KCNK10: variants seen among roughly 807,000 people sequenced by gnomAD.
KCNK10 encodes potassium two pore domain channel subfamily K member 10, also known as potassium channel subfamily K member 10.
A neutral mutation model predicts 47.7 loss-of-function variants in KCNK10; 25 were observed. The observed-to-expected ratio is 0.52, with a 90% CI of 0.38 to 0.73. The LOEUF is 0.73. KCNK10 is among the 30% of genes least tolerant of loss of function. The pLI is 0.00. For missense variants in KCNK10, 563 were observed against 714.5 expected, an observed-to-expected ratio of 0.79 and a Z score of 2.42; for synonymous variants, 303 against 285.6, an observed-to-expected ratio of 1.06 and a Z score of -0.61.
chr14:88,238,809 T>C (rs1886370586), intron 3 of KCNK10, among the ~76,000 whole-genome samples: 1 of 152,214 alleles, frequency 6.6e-6, no homozygotes, highest in African/African-American at 2.4e-5. Flanking sequence ...GATTTACATT[T>C]AAAATGAGAG....
intron 5 of KCNK10, among the ~76,000 whole-genome samples, chr14:88,188,627 T>G (rs186168204): frequency 1.3e-5 from 2 of 152,356 alleles, no homozygotes; most frequent in Admixed American, 1.3e-4. Context: ...GGGATTTTGA[T>G]GCAAGCAATA....
intron 3 of KCNK10, among the ~76,000 whole-genome samples, chr14:88,228,517 A>G (rs1177807134): frequency 1.3e-5 from 2 of 152,218 alleles, no homozygotes; most frequent in East Asian, 3.8e-4. Flanking sequence ...TCTTATGTTA[A>G]AAAGTATCTA....
intron 4 of KCNK10, among the ~76,000 whole-genome samples, chr14:88,194,981 A>G (rs1884865966): frequency 6.6e-6 from 1 of 151,992 alleles, no homozygotes; most frequent in Non-Finnish European, 1.5e-5. Flanking sequence ...TTTTAGCAAT[A>G]TCTGTTATTC....
At chr14:88,275,799 G>A (rs567370841) in intron 1 of KCNK10, among the ~76,000 whole-genome samples, 5 of 152,160 alleles carry the variant, frequency 3.3e-5, no homozygotes, top group African/African-American at 1.2e-4. Context: ...CCTAGGAGGT[G>A]GAGGTTGGAG....
At chr14:88,294,319 C>G (rs1247129317) in intron 1 of KCNK10, among the ~76,000 whole-genome samples, 2 of 152,262 alleles carry the variant, frequency 1.3e-5, no homozygotes, top group Non-Finnish European at 2.9e-5. Context: ...GGATGTAAAT[C>G]TGGAAGACAG....
intron 4 of KCNK10, among the ~76,000 whole-genome samples, chr14:88,208,284 AGACAGGG>A (rs148035320): frequency 0.021 from 3,275 of 152,326 alleles, 63 homozygotes; most frequent in African/African-American, 0.046. Context: ...CTCATCTTCT[AGACAGGG>A]GACAATACCA....
At chr14:88,282,073 G>C (rs1209060184) in intron 1 of KCNK10, among the ~76,000 whole-genome samples, 4 of 152,048 alleles carry the variant, frequency 2.6e-5, no homozygotes, top group Non-Finnish European at 4.4e-5. Flanking sequence ...TACCTAGTAT[G>C]GTGTCCGGCA....
intron 1 of KCNK10, among the ~76,000 whole-genome samples, chr14:88,270,109 C>G (rs1379128464): frequency 6.6e-6 from 1 of 152,128 alleles, no homozygotes; most frequent in Non-Finnish European, 1.5e-5. Flanking sequence ...TCCCCGCAGC[C>G]GACCTCCCAC....
intron 3 of KCNK10, among the ~76,000 whole-genome samples, chr14:88,236,890 C>T (rs1422297258): frequency 6.6e-6 from 1 of 152,180 alleles, no homozygotes; most frequent in Non-Finnish European, 1.5e-5. Context: ...ATGTTGATGA[C>T]TACTGACTGA....
chr14:88,284,647 G>C (rs769534703), intron 1 of KCNK10, among the ~76,000 whole-genome samples: 1 of 152,144 alleles, frequency 6.6e-6, no homozygotes, highest in Non-Finnish European at 1.5e-5. Flanking sequence ...AAGACTCAGC[G>C]AGTCTGCTCA....
At chr14:88,228,704 G>A (rs773833665) in intron 3 of KCNK10, among the ~76,000 whole-genome samples, 11 of 152,100 alleles carry the variant, frequency 7.2e-5, no homozygotes, top group Non-Finnish European at 1.3e-4. Context: ...CAGAACTCAC[G>A]GTTGCCTTCT....
At chr14:88,199,072 G>A (rs1233108651) in intron 4 of KCNK10, among the ~76,000 whole-genome samples, 1 of 151,768 alleles carries the variant, frequency 6.6e-6, no homozygotes, top group Non-Finnish European at 1.5e-5. Context: ...GGAGCGCACC[G>A]CCACGCCCAG....
chr14:88,250,525 G>A (rs941679500), intron 2 of KCNK10, among the ~76,000 whole-genome samples: 5 of 152,148 alleles, frequency 3.3e-5, no homozygotes, highest in Admixed American at 2.0e-4. Flanking sequence ...TGAAATAGGG[G>A]ATGGCCCAGG....
chr14:88,246,519 T>C (rs189757183), intron 2 of KCNK10, among the ~76,000 whole-genome samples: 1 of 152,304 alleles, frequency 6.6e-6, no homozygotes, highest in Admixed American at 6.5e-5. Flanking sequence ...TTCTTTCACC[T>C]GCTTCAGAAG....
chr14:88,236,763 G>A (rs542244017), intron 3 of KCNK10, among the ~76,000 whole-genome samples: 48 of 152,246 alleles, frequency 3.2e-4, no homozygotes, highest in African/African-American at 1.1e-3. Flanking sequence ...ATAGCATTAG[G>A]TCTAAAAAAT....
chr14:88,314,961 G>A (rs1888398302), intron 1 of KCNK10, among the ~76,000 whole-genome samples: 1 of 152,146 alleles, frequency 6.6e-6, no homozygotes, highest in African/African-American at 2.4e-5. Flanking sequence ...CTTGGATTAG[G>A]ACTCAGGCAA....
intron 4 of KCNK10, among the ~76,000 whole-genome samples, chr14:88,222,631 T>C: frequency 6.6e-6 from 1 of 152,180 alleles, no homozygotes; most frequent in East Asian, 1.9e-4. Context: ...TGAGGGAGAC[T>C]GCACATGTGT....
chr14:88,222,185 T>C (rs965982876), intron 4 of KCNK10, among the ~76,000 whole-genome samples: 1 of 152,112 alleles, frequency 6.6e-6, no homozygotes, highest in Non-Finnish European at 1.5e-5. Context: ...CTATCAAATC[T>C]CGTGAGGCTT....
intron 4 of KCNK10, among the ~76,000 whole-genome samples, chr14:88,205,542 CTTTT>C (rs200265659): frequency 1.7e-5 from 2 of 115,778 alleles, no homozygotes; most frequent in African/African-American, 6.6e-5. Flanking sequence ...CTTTTCTTTT[CTTTT>C]TTTTTTTTTT....
Sources: gnomAD v4.1 joint callset for allele counts (sites outside exome capture counted in the v4.1 genomes callset) on GRCh38, gnomAD v4.1.1 for gene constraint, MANE v1.5 for transcripts, NCBI Gene and HGNC (gene_info 2026-07-23, HGNC 2026-07-21) for gene names.